The following PRKCE variants were observed in gnomAD, a reference collection of about 807,000 sequenced individuals.
The protein encoded by PRKCE is protein kinase C epsilon type.
In PRKCE, 16 loss-of-function variants were observed where a neutral mutation model predicts 85.4. The ratio of observed to expected loss-of-function variants is 0.19; its 90% CI spans 0.13 to 0.28. The LOEUF (loss-of-function observed/expected upper bound fraction) is 0.28. Among genes scored for constraint, PRKCE ranks in the 10% least tolerant of loss-of-function variants. The pLI is 1.00. For synonymous variants in PRKCE, 388 were observed against 371.5 expected (o/e 1.04, Z -0.51); for missense variants, 573 against 975.2 (o/e 0.59, Z 5.49).
chr2:45,846,303 T>C (rs1236374997), intron 2 of PRKCE, among the ~76,000 whole-genome samples: 1 of 152,238 alleles, frequency 6.6e-6, no homozygotes, highest in Non-Finnish European at 1.5e-5. Context: ...TTTCTAATAA[T>C]GTGGCAATGC....
intron 11 of PRKCE, among the ~76,000 whole-genome samples, chr2:46,116,046 C>T (rs143297127): frequency 6.6e-6 from 1 of 152,178 alleles, no homozygotes; most frequent in Non-Finnish European, 1.5e-5. Context: ...ATCATTTTCC[C>T]AGTGGCTTAT....
intron 2 of PRKCE, among the ~76,000 whole-genome samples, chr2:45,872,807 T>C (rs1392997996): frequency 6.6e-6 from 1 of 152,136 alleles, no homozygotes; most frequent in East Asian, 1.9e-4. Context: ...CTAGGAGATA[T>C]CCAGATGTCT....
chr2:45,959,224 G>T (rs1701217096), intron 2 of PRKCE, among the ~76,000 whole-genome samples: 1 of 152,108 alleles, frequency 6.6e-6, no homozygotes, highest in Admixed American at 6.5e-5. Context: ...CTACTTCCAA[G>T]GAATTATTTG....
chr2:45,812,528 G>C (rs1286135389), intron 1 of PRKCE, among the ~76,000 whole-genome samples: 1 of 152,128 alleles, frequency 6.6e-6, no homozygotes, highest in East Asian at 1.9e-4. Flanking sequence ...TGTGCCCTTG[G>C]GCCCTTCTGT....
chr2:45,701,232 G>A (rs1678615424), intron 1 of PRKCE, among the ~76,000 whole-genome samples: 1 of 152,070 alleles, frequency 6.6e-6, no homozygotes, highest in Non-Finnish European at 1.5e-5. Context: ...GGTAGAAAAC[G>A]GGCACATTTT....
At chr2:45,842,207 T>G (rs1467633257) in intron 1 of PRKCE, among the ~76,000 whole-genome samples, 2 of 152,200 alleles carry the variant, frequency 1.3e-5, no homozygotes, top group East Asian at 1.9e-4. Context: ...TTATAAGTAG[T>G]TAGCTGGATT....
chr2:45,935,707 C>T (rs1699394448), intron 2 of PRKCE, among the ~76,000 whole-genome samples: 1 of 151,810 alleles, frequency 6.6e-6, no homozygotes, highest in South Asian at 2.1e-4. Flanking sequence ...ATTGCTTGAA[C>T]CCAGGAGGCA....
intron 11 of PRKCE, among the ~76,000 whole-genome samples, chr2:46,142,640 G>A (rs566312765): frequency 6.6e-6 from 1 of 152,322 alleles, no homozygotes; most frequent in East Asian, 1.9e-4. Context: ...CAGCCACCCT[G>A]GACCACCTTT....
At chr2:46,127,127 T>C (rs570165774) in intron 11 of PRKCE, among the ~76,000 whole-genome samples, 16 of 152,348 alleles carry the variant, frequency 1.1e-4, no homozygotes, top group African/African-American at 3.8e-4. Context: ...AGGGGAATTC[T>C]AGATGCTTCA....
intron 2 of PRKCE, among the ~76,000 whole-genome samples, chr2:45,948,341 TA>T (rs1410904772): frequency 6.6e-6 from 1 of 152,164 alleles, no homozygotes; most frequent in Non-Finnish European, 1.5e-5. Flanking sequence ...TTAGCAAATA[TA>T]AAAATTTTGT....
At chr2:46,112,371 T>G (rs1672342101) in intron 11 of PRKCE, among the ~76,000 whole-genome samples, 1 of 152,248 alleles carries the variant, frequency 6.6e-6, no homozygotes, top group South Asian at 2.1e-4. Context: ...GTTTTGCTTA[T>G]TTGTTTTATC....
rs186122120 is a variant in PRKCE at position 46,108,941 on chromosome 2, A to G, written c.1592+22579A>G. On this transcript the variant is annotated intron_variant, in intron 11 of 14. Transcript: ENST00000306156. ...ATTGATGTCCAGTTGTTCAAGCACC[A>G]TTTGTTGTCAAGACTGTTCTTTTTT... 1.8e-4 allele frequency among the ~76,000 whole-genome samples: 26 copies of G among 144,864 alleles called. 1 individual carries two copies. Among genetic ancestry groups the G allele is most frequent in the African/African-American group, 6.1e-4 (25 of 40,894 alleles).
chr2:45,947,941 C>G (rs1023732356), intron 2 of PRKCE, among the ~76,000 whole-genome samples: 1 of 152,164 alleles, frequency 6.6e-6, no homozygotes, highest in African/African-American at 2.4e-5. Context: ...AGTTAGAGAA[C>G]TACGTATATG....
intron 2 of PRKCE, among the ~76,000 whole-genome samples, 166 bp downstream of exon 2, chr2:45,843,229 G>A (rs956799577): frequency 6.6e-6 from 1 of 152,230 alleles, no homozygotes; most frequent in African/African-American, 2.4e-5. Context: ...TGTACCAAAA[G>A]GGACCAGCCA....
At chr2:45,977,700 C>T (rs1042704779) in intron 3 of PRKCE, among the ~76,000 whole-genome samples, 5 of 152,038 alleles carry the variant, frequency 3.3e-5, no homozygotes, top group African/African-American at 1.2e-4. Flanking sequence ...GAAGGCCAGC[C>T]CCATTCCACT....
intron 10 of PRKCE, among the ~76,000 whole-genome samples, chr2:46,030,691 C>G (rs538745596): frequency 6.6e-6 from 1 of 152,294 alleles, no homozygotes; most frequent in South Asian, 2.1e-4. Context: ...ATAATACTTC[C>G]CTGTAGCAAC....
rs185172905 is a variant in PRKCE at position 46,016,768 on chromosome 2, A to G, written c.1437+6251A>G. On this transcript the variant is annotated intron_variant, in intron 10 of 14. Transcript: ENST00000306156. ...TACTAAAAATACAAAAATTATCCGG[A>G]CACGGTGGCGGGCACCTGTAATCCC... is the stretch of plus-strand genomic sequence containing the variant. Among the ~76,000 whole-genome samples the G allele has an allele frequency of 4.6e-5, 7 of 151,942 alleles. No individual in the cohort carries two copies. The East Asian group carries it at 7.8e-4, about 17-fold the overall frequency.
chr2:45,725,755 C>T (rs1183204159), intron 1 of PRKCE, among the ~76,000 whole-genome samples: 6 of 150,868 alleles, frequency 4.0e-5, no homozygotes, highest in African/African-American at 1.5e-4. Context: ...CGCTTGAACC[C>T]GGGAGGCGGA....
intron 2 of PRKCE, among the ~76,000 whole-genome samples, chr2:45,858,995 C>A (rs1237877603): frequency 6.6e-6 from 1 of 151,530 alleles, no homozygotes; most frequent in Admixed American, 6.6e-5. Context: ...GAGCCAAGGT[C>A]AGGGCGTTGT....
Sources: gnomAD v4.1 joint callset for allele counts (sites outside exome capture counted in the v4.1 genomes callset) on GRCh38, gnomAD v4.1.1 for gene constraint, MANE v1.5 for transcripts, NCBI Gene and HGNC (gene_info 2026-07-23, HGNC 2026-07-21) for gene names.